H3C6: variants seen among roughly 807,000 people sequenced by gnomAD.
H3C6 encodes the protein histone H3.1.
Under a neutral mutation model 8.0 loss-of-function variants are expected in H3C6, and 17 were observed. The observed-to-expected ratio is 2.13, with a 90% CI of 1.46 to 3.19. The LOEUF is 3.19. H3C6 is among the 30% of genes most tolerant of loss of function. H3C6 has a pLI of 0.00. For missense variants in H3C6, 298 were observed against 193.8 expected (o/e 1.54, Z -3.19); for synonymous variants, 169 against 78.0 (o/e 2.17, Z -6.15).
At chr6:26,226,373 T>TTTAC (rs2113568919), downstream of H3C6, 3 of 96,526 alleles carry the variant, frequency 3.1e-5, no homozygotes, top group South Asian at 1.0e-3. Context: ...TATTTATTTA[T>TTTAC]TTATTTATTT....
chr6:26,226,365 T>C (rs1759558551), downstream of H3C6: 1 of 7,886 alleles, frequency 1.3e-4, no homozygotes, highest in Non-Finnish European at 1.7e-4. Flanking sequence ...TCTTTTCTTA[T>C]TTATTTATTT....
downstream of H3C6, chr6:26,225,711 C>A (rs568464244): frequency 6.5e-5 from 66 of 1,019,220 alleles, no homozygotes; most frequent in Non-Finnish European, 8.3e-5. Context: ...GCATTCAGTT[C>A]CCTCGATGCT....
downstream of H3C6, chr6:26,225,707 A>G (rs111361052): frequency 3.8e-6 from 4 of 1,053,864 alleles, no homozygotes; most frequent in African/African-American, 3.2e-5. Flanking sequence ...AGTGGCATTC[A>G]GTTCCCTCGA....
upstream of H3C6, chr6:26,224,953 T>C: frequency 1.9e-6 from 1 of 521,388 alleles, no homozygotes; most frequent in African/African-American, 1.9e-5. Flanking sequence ...AACGACTTGT[T>C]TGAAAGAGCC....
In H3C6 at chr6:26,225,417, C is replaced by G. The variant is rs534265754; in HGVS notation, c.263C>G (p.Ser88Cys). The G allele has an allele frequency of 1.9e-6, 3 of 1,614,246 alleles. No homozygotes were observed. Among genetic ancestry groups the G allele is most frequent in the Admixed American group, 1.7e-5 (1 of 60,034 alleles). The change falls in exon 1 of 1, where the codon TCC (serine) becomes TGC (cysteine). Residue 88 changes from serine to cysteine, a missense_variant. Physicochemically the swap from Ser to Cys is moderately radical, Grantham distance 112. Coordinates refer to ENST00000614911, the MANE Select transcript of H3C6 (RefSeq NM_003532.3). Reference protein sequence around the residue: ...DFKTDLRFQSSAVMALQEACE... With the variant: ...DFKTDLRFQSCAVMALQEACE... ...AAGACCGACCTGCGCTTCCAGAGTT[C>G]CGCGGTGATGGCGCTGCAGGAGGCC...
chr6:26,225,176 G>A lies in H3C6; in HGVS notation c.22G>A (p.Ala8Thr), dbSNP rs1051773707. The change falls in exon 1 of 1, where the codon GCT becomes ACT. Residue 8 changes from alanine (A) to threonine (T), a missense_variant. By Grantham distance (58) the Ala-to-Thr change is moderately conservative (BLOSUM62 0). Transcript: ENST00000614911. MARTKQT[A>T]RKSTGGKAPR... ...AACTATGGCGCGTACTAAGCAGACGGCTCGTAAATCCACAGGCGGTAAAGC... is the reference window on the plus strand; with the variant it reads ...AACTATGGCGCGTACTAAGCAGACGACTCGTAAATCCACAGGCGGTAAAGC... The A allele has an allele frequency of 2.5e-6, 4 of 1,575,950 alleles. No homozygotes were observed. Among genetic ancestry groups the A allele is most frequent in the South Asian group, 1.2e-5 (1 of 85,342 alleles).
chr6:26,225,991 T>C (rs76766768), downstream of H3C6: 510 of 157,786 alleles, frequency 3.2e-3, 1 homozygote, highest in East Asian at 0.013. Context: ...GGTTTTGCCT[T>C]TCCTTGATGT....
At chr6:26,227,112 T>C (rs1759588351), downstream of H3C6, 1 of 152,204 alleles carries the variant, frequency 6.6e-6, no homozygotes, top group African/African-American at 2.4e-5. Context: ...AAGATGTGGG[T>C]CTTGTGAATT....
chr6:26,224,366 GCT>G (rs1285498490), upstream of H3C6: 1 of 152,236 alleles, frequency 6.6e-6, no homozygotes, highest in Non-Finnish European at 1.5e-5. Context: ...GTGCACCTCA[GCT>G]CTCTCCCGCA....
downstream of H3C6, chr6:26,225,726 T>G: frequency 1.1e-6 from 1 of 943,566 alleles, no homozygotes; most frequent in South Asian, 1.9e-5. Context: ...GATGCTTCAT[T>G]TAAATTTCCA....
chr6:26,225,592 C>A lies in H3C6; in HGVS notation c.*27C>A. 1 of 1,596,134 alleles carries A rather than the reference C, an allele frequency of 6.3e-7. No individual in the cohort carries two copies. Among genetic ancestry groups the A allele is most frequent in the Non-Finnish European group, 8.5e-7 (1 of 1,171,336 alleles). ...TTGTTTTGAGTACAAACCTTAAATCCAAAGGCTCTTCTCAGAGCCAACCAC... is the reference window on the plus strand; with the variant it reads ...TTGTTTTGAGTACAAACCTTAAATCAAAAGGCTCTTCTCAGAGCCAACCAC... On this transcript the variant is annotated 3_prime_UTR_variant, in exon 1 of 1. Transcript: ENST00000614911.
At chr6:26,225,752 T>C, downstream of H3C6, 1 of 751,074 alleles carries the variant, frequency 1.3e-6, no homozygotes, top group Non-Finnish European at 2.0e-6. Context: ...AAGCGCTCCC[T>C]CAGGTTTTCG....
In H3C6 at chr6:26,225,327, C is replaced by T; in HGVS notation, c.173C>T (p.Ser58Phe). 6.2e-7 allele frequency: 1 copy of T among 1,614,238 alleles called. No homozygotes were observed. The highest frequency in any genetic ancestry group is 8.5e-7 in the Non-Finnish European group (1 of 1,180,008). Residue 58 changes from serine to phenylalanine, a missense_variant, in exon 1 of 1, where the codon TCT becomes TTT. Transcript: ENST00000614911. ...CGCGAGATCCGTCGCTACCAGAAGT[C>T]TACCGAGCTTCTAATCCGGAAGCTG... Reference protein sequence around the residue: ...ALREIRRYQKSTELLIRKLPF... With the variant: ...ALREIRRYQKFTELLIRKLPF...
Position 26,225,360 on chromosome 6 carries a change from A to G in H3C6, c.206A>G (p.Gln69Arg). 3 of 1,614,240 alleles carry G rather than the reference A, an allele frequency of 1.9e-6. No individual in the cohort carries two copies. The highest frequency in any genetic ancestry group is 2.5e-6 in the Non-Finnish European group (3 of 1,180,040). Residue 69 changes from glutamine (Q) to arginine (R), a missense_variant, in exon 1 of 1, where the codon CAG (glutamine) becomes CGG (arginine). Physicochemically the swap from Gln to Arg is conservative, Grantham distance 43. Transcript: ENST00000614911. ...CTTCTAATCCGGAAGCTGCCGTTTC[A>G]GCGCCTGGTGCGAGAAATAGCTCAG... ...TELLIRKLPF[Q>R]RLVREIAQDF...
chr6:26,225,605 C>T lies in H3C6; in HGVS notation c.*40C>T, dbSNP rs1271867359. 6.3e-7 allele frequency: 1 copy of T among 1,575,074 alleles called. No individual in the cohort carries two copies. Among genetic ancestry groups the T allele is most frequent in the Admixed American group, 1.9e-5 (1 of 53,816 alleles). On this transcript the variant is annotated 3_prime_UTR_variant, in exon 1 of 1. Transcript: ENST00000614911. ...AAACCTTAAATCCAAAGGCTCTTCT[C>T]AGAGCCAACCACTTTGTCCGTGAAA...
chr6:26,226,896 G>A (rs1489153869), downstream of H3C6: 1 of 152,200 alleles, frequency 6.6e-6, no homozygotes, highest in Non-Finnish European at 1.5e-5. Context: ...GATATGGGGT[G>A]CAGTATTTTT....
downstream of H3C6, chr6:26,226,265 A>T (rs990798376): frequency 6.6e-6 from 1 of 152,256 alleles, no homozygotes; most frequent in Non-Finnish European, 1.5e-5. Context: ...GAAGGTGCAG[A>T]TGGGTGTGTC....
Position 26,225,341 on chromosome 6 carries a change from A to T in H3C6, c.187A>T (p.Ile63Phe), listed in dbSNP as rs370200401. Residue 63 changes from isoleucine (I) to phenylalanine (F), a missense_variant, in exon 1 of 1, where the codon ATC becomes TTC. Ile to Phe is a conservative substitution (Grantham distance 21, BLOSUM62 0). Coordinates refer to ENST00000614911, the MANE Select transcript of H3C6 (RefSeq NM_003532.3). ...CTACCAGAAGTCTACCGAGCTTCTA[A>T]TCCGGAAGCTGCCGTTTCAGCGCCT... ...RRYQKSTELL[I>F]RKLPFQRLVR... 3 of 1,614,122 alleles carry T rather than the reference A, an allele frequency of 1.9e-6. No individual in the cohort carries two copies. Among genetic ancestry groups the T allele is most frequent in the African/African-American group, 1.3e-5 (1 of 74,950 alleles).
Position 26,225,609 on chromosome 6 carries a change from G to C in H3C6, c.*44G>C. On this transcript the variant is annotated 3_prime_UTR_variant, in exon 1 of 1. Coordinates refer to ENST00000614911, the MANE Select transcript of H3C6 (RefSeq NM_003532.3). ...CTTAAATCCAAAGGCTCTTCTCAGA[G>C]CCAACCACTTTGTCCGTGAAAAGGG... 6.4e-7 allele frequency: 1 copy of C among 1,573,210 alleles called. No homozygotes were observed. The highest frequency in any genetic ancestry group is 8.6e-7 in the Non-Finnish European group (1 of 1,160,330).
Sources: gnomAD v4.1 joint callset for allele counts on GRCh38, gnomAD v4.1.1 for gene constraint, MANE v1.5 for transcripts, NCBI Gene and HGNC (gene_info 2026-07-23, HGNC 2026-07-21) for gene names.